The following UTRN variants were observed in gnomAD, a reference collection of about 807,000 sequenced individuals.
The protein encoded by UTRN is utrophin.
A neutral mutation model predicts 463.9 loss-of-function variants in UTRN; 283 were observed. That is an observed-to-expected ratio of 0.61 (90% CI 0.55 to 0.67). The LOEUF is 0.67. Among genes scored for constraint, UTRN ranks in the 30% least tolerant of loss-of-function variants. The pLI is 0.00. For missense variants in UTRN, 3,922 were observed against 4,084.3 expected, an observed-to-expected ratio of 0.96 and a Z score of 1.08; for synonymous variants, 1,442 against 1,431.5, an observed-to-expected ratio of 1.01 and a Z score of -0.17.
chr6:144,627,902 C>G (rs1270182365), intron 51 of UTRN, among the ~76,000 whole-genome samples: 1 of 149,738 alleles, frequency 6.7e-6, no homozygotes, highest in Non-Finnish European at 1.5e-5. Context: ...CGGGTTCAAG[C>G]GATTCTCCTG....
At chr6:144,712,020 A>G (rs978939304) in intron 53 of UTRN, among the ~76,000 whole-genome samples, 1 of 152,078 alleles carries the variant, frequency 6.6e-6, no homozygotes, top group Non-Finnish European at 1.5e-5. Flanking sequence ...TTTTTTCCCT[A>G]CTAAAGTAAT....
chr6:144,331,792 C>T (rs140790260), intron 2 of UTRN, among the ~76,000 whole-genome samples: 1 of 152,278 alleles, frequency 6.6e-6, no homozygotes, highest in East Asian at 1.9e-4. Context: ...GAGTTTTGCT[C>T]TTCCTCAGAG....
rs567643835 is a variant in UTRN, at chr6:144,839,373, C to A, written c.10177+89C>A. 3.3e-5 allele frequency: 34 copies of A among 1,025,566 alleles called. No homozygotes were observed. In the East Asian group the frequency reaches 6.9e-4, roughly 21 times the overall value. 63.5% of individuals were successfully genotyped at this position (1,025,566 alleles called of 1,614,324 possible). ...TTTCCTGTTAAGTAACATTCCTACA[C>A]ACTGGTGCCTTAGGAAGTAAAAGAG... is the stretch of plus-strand genomic sequence containing the variant. On this transcript the variant is annotated intron_variant, in intron 72 of 74. Transcript: ENST00000367545.
chr6:144,610,359 A>G (rs879329340), intron 51 of UTRN, among the ~76,000 whole-genome samples: 1 of 152,184 alleles, frequency 6.6e-6, no homozygotes, highest in Non-Finnish European at 1.5e-5. Context: ...CAACCTATCA[A>G]GATTAATCAT....
At position 144,453,887 on chromosome 6, in the gene UTRN, T is replaced by C. The variant is rs773898462; in HGVS notation, c.2284+18T>C. 2 of 1,606,640 alleles carry C rather than the reference T, an allele frequency of 1.2e-6. No homozygotes were observed. The highest frequency in any genetic ancestry group is 1.7e-5 in the Admixed American group (1 of 59,440). ...GGGAAAAGGTAAGATCCTTGATTTT[T>C]TTCCCCTATATTTTTCAGATGGTGG... On this transcript the variant is annotated intron_variant, in intron 19 of 74. Coordinates refer to ENST00000367545, the MANE Select transcript of UTRN (RefSeq NM_007124.3).
chr6:144,848,908 T>G (rs1465597981), intron 74 of UTRN, among the ~76,000 whole-genome samples: 1 of 152,082 alleles, frequency 6.6e-6, no homozygotes. Context: ...TGATATGAGA[T>G]TCAAAGCTGG....
intron 60 of UTRN, among the ~76,000 whole-genome samples, chr6:144,777,950 C>T (rs112438038): frequency 4.6e-5 from 7 of 152,150 alleles, no homozygotes; most frequent in South Asian, 2.1e-4. Context: ...TCAATTTGAA[C>T]GTCATATTTT....
At chr6:144,389,418 C>T (rs969737357) in intron 2 of UTRN, among the ~76,000 whole-genome samples, 1 of 152,150 alleles carries the variant, frequency 6.6e-6, no homozygotes, top group Non-Finnish European at 1.5e-5. Flanking sequence ...ATAAGTTTAC[C>T]TGAGTATGCT....
chr6:144,457,630 A>G (rs1267141836), intron 19 of UTRN, among the ~76,000 whole-genome samples: 1 of 152,136 alleles, frequency 6.6e-6, no homozygotes, highest in African/African-American at 2.4e-5. Context: ...CTTACCTGAG[A>G]GATGGTGGTG....
At position 144,561,208 on chromosome 6, in the gene UTRN, TATATATATATATATATATA is replaced by T. The variant is rs1799843352; in HGVS notation, c.7289+3898_7289+3916del. ...GCACTCCAGGGCAAAAATAACATTA[TATATATATATATATATATA>T]TATATATATATATATATATATATAT... On this transcript the variant is annotated intron_variant, in intron 50 of 74. Coordinates refer to ENST00000367545, the MANE Select transcript of UTRN (RefSeq NM_007124.3). 8.1e-3 allele frequency among the ~76,000 whole-genome samples: 27 copies of T among 3,344 alleles called. 1 individual carries two copies. The highest frequency in any genetic ancestry group is 0.018 in the South Asian group (1 of 56). The allele number at this position is 3,344 out of a possible 152,430, so 2.2% of individuals were successfully genotyped here. A position where few individuals can be genotyped will look rare whatever the true frequency, so the allele number is the denominator to read the frequency against.
At chr6:144,677,050 A>G (rs1287546114) in intron 51 of UTRN, among the ~76,000 whole-genome samples, 1 of 151,908 alleles carries the variant, frequency 6.6e-6, no homozygotes, top group Non-Finnish European at 1.5e-5. Context: ...TACATGAACT[A>G]TAGATTACAA....
intron 3 of UTRN, among the ~76,000 whole-genome samples, chr6:144,419,859 G>C (rs1562371093): frequency 6.6e-6 from 1 of 152,030 alleles, no homozygotes; most frequent in Admixed American, 6.6e-5. Context: ...TTCTAAAAAA[G>C]AGTATCACTT....
At chr6:144,684,977 G>A (rs904931622) in intron 52 of UTRN, among the ~76,000 whole-genome samples, 2 of 152,140 alleles carry the variant, frequency 1.3e-5, no homozygotes, top group Non-Finnish European at 2.9e-5. Context: ...CTTGAGTACT[G>A]TACATTGTAC....
chr6:144,551,094 A>G lies in UTRN; in HGVS notation c.6928+12A>G. ...AATTACAGAAAAATGTAAGTTTTTTAAAAAAAGTTATGTATTATCATCCAC... is the reference window on the plus strand; with the variant it reads ...AATTACAGAAAAATGTAAGTTTTTTGAAAAAAGTTATGTATTATCATCCAC... On this transcript the variant is annotated intron_variant, in intron 48 of 74. Coordinates refer to ENST00000367545, the MANE Select transcript of UTRN (RefSeq NM_007124.3). The G allele has an allele frequency of 6.3e-7, 1 of 1,582,640 alleles. No individual in the cohort carries two copies. The highest frequency in any genetic ancestry group is 8.6e-7 in the Non-Finnish European group (1 of 1,164,246).
intron 2 of UTRN, among the ~76,000 whole-genome samples, chr6:144,393,957 C>A (rs1330219057): frequency 6.6e-6 from 1 of 152,130 alleles, no homozygotes. Flanking sequence ...TGGAGACTCT[C>A]CTGTCTGGAA....
At chr6:144,719,159 C>A (rs7762384) in intron 53 of UTRN, among the ~76,000 whole-genome samples, 11,655 of 152,120 alleles carry the variant, frequency 0.077, 1,536 homozygotes, top group African/African-American at 0.27. Context: ...TTCCTTGATC[C>A]CCTTCTAACA....
intron 29 of UTRN, 81 bp downstream of exon 29, chr6:144,487,778 A>C: frequency 1.5e-6 from 2 of 1,335,984 alleles, no homozygotes. Context: ...ATAGAGCTTT[A>C]ATGTTGGAAA....
At chr6:144,622,789 G>A (rs1160100337) in intron 51 of UTRN, among the ~76,000 whole-genome samples, 1 of 152,146 alleles carries the variant, frequency 6.6e-6, no homozygotes, top group South Asian at 2.1e-4. Flanking sequence ...CTAGAAAACA[G>A]GAAAGGATTG....
At chr6:144,699,480 T>TG (rs1177263601) in intron 52 of UTRN, among the ~76,000 whole-genome samples, 13 of 117,890 alleles carry the variant, frequency 1.1e-4, no homozygotes, top group Non-Finnish European at 1.7e-4. Flanking sequence ...GTGGTTTTTT[T>TG]TTTTTTTTTT....
Sources: gnomAD v4.1 joint callset for allele counts (sites outside exome capture counted in the v4.1 genomes callset) on GRCh38, gnomAD v4.1.1 for gene constraint, MANE v1.5 for transcripts, NCBI Gene and HGNC (gene_info 2026-07-23, HGNC 2026-07-21) for gene names.